The following KCNAB1 variants were observed in gnomAD, a reference collection of about 807,000 sequenced individuals.
The protein encoded by KCNAB1 is voltage-gated potassium channel subunit beta-1.
In KCNAB1, 35 loss-of-function variants were observed where a neutral mutation model predicts 64.6. The ratio of observed to expected loss-of-function variants is 0.54; its 90% CI spans 0.41 to 0.72. The LOEUF is 0.72. Among genes scored for constraint, KCNAB1 ranks in the 30% least tolerant of loss-of-function variants. The pLI is 0.00. For missense variants in KCNAB1, 401 were observed against 512.9 expected, an observed-to-expected ratio of 0.78 and a Z score of 2.11; for synonymous variants, 177 against 183.8, an observed-to-expected ratio of 0.96 and a Z score of 0.30.
At chr3:156,441,637 G>T (rs566271064) in intron 2 of KCNAB1, among the ~76,000 whole-genome samples, 230 of 152,182 alleles carry the variant, frequency 1.5e-3, no homozygotes, top group Admixed American at 4.0e-3. Context: ...CACATGGAAG[G>T]TGTCTAATTT....
At chr3:156,151,265 C>T (rs1175917336) in intron 1 of KCNAB1, among the ~76,000 whole-genome samples, 1 of 152,180 alleles carries the variant, frequency 6.6e-6, no homozygotes, top group Admixed American at 6.5e-5. Flanking sequence ...CACGTGTCAC[C>T]TCTCCACACT....
intron 13 of KCNAB1, among the ~76,000 whole-genome samples, chr3:156,531,950 C>G (rs1178954178): frequency 6.6e-6 from 1 of 152,184 alleles, no homozygotes; most frequent in East Asian, 1.9e-4. Flanking sequence ...TGTAGTATAA[C>G]TGCCTGTCTC....
chr3:156,448,914 G>C (rs1191641954), intron 2 of KCNAB1, among the ~76,000 whole-genome samples: 1 of 152,140 alleles, frequency 6.6e-6, no homozygotes, highest in Non-Finnish European at 1.5e-5. Context: ...TTCTAGGGCT[G>C]TGGAGATGCA....
At chr3:156,173,224 TTTC>T (rs1335305316) in intron 1 of KCNAB1, among the ~76,000 whole-genome samples, 2 of 152,188 alleles carry the variant, frequency 1.3e-5, no homozygotes, top group African/African-American at 4.8e-5. Context: ...ACTCAGCACT[TTTC>T]TTCTTAAGAA....
chr3:156,321,779 G>A (rs1722677787), intron 1 of KCNAB1, among the ~76,000 whole-genome samples: 1 of 152,062 alleles, frequency 6.6e-6, no homozygotes, highest in Non-Finnish European at 1.5e-5. Context: ...TTAAATTTTA[G>A]GTAGTTAAAA....
chr3:156,176,574 C>G, intron 1 of KCNAB1: 1 of 831,486 alleles, frequency 1.2e-6, no homozygotes, highest in Non-Finnish European at 2.2e-6. Context: ...AGTTCCATCA[C>G]TGCTCCACTG....
chr3:156,310,404 A>G (rs573486707), intron 1 of KCNAB1, among the ~76,000 whole-genome samples: 120 of 152,080 alleles, frequency 7.9e-4, no homozygotes, highest in Non-Finnish European at 1.7e-3. Context: ...CAGGATCCCA[A>G]TTGGTCCTGC....
chr3:156,136,987 A>G (rs1426072674), intron 1 of KCNAB1, among the ~76,000 whole-genome samples: 1 of 152,174 alleles, frequency 6.6e-6, no homozygotes, highest in African/African-American at 2.4e-5. Flanking sequence ...AGAGATCTAT[A>G]GATGTAGTCA....
intron 2 of KCNAB1, among the ~76,000 whole-genome samples, chr3:156,448,273 GAAATA>G (rs1157697322): frequency 6.6e-6 from 1 of 152,212 alleles, no homozygotes; most frequent in Non-Finnish European, 1.5e-5. Context: ...ATTACACAGT[GAAATA>G]ATTGTATGCC....
intron 2 of KCNAB1, among the ~76,000 whole-genome samples, chr3:156,450,701 T>C (rs1459811761): frequency 6.6e-6 from 1 of 152,240 alleles, no homozygotes; most frequent in African/African-American, 2.4e-5. Flanking sequence ...ACTTATTTTA[T>C]TCTCATTCAA....
In KCNAB1 at chr3:156,268,725, C is replaced by T. The variant is rs114586844; in HGVS notation, c.275+147839C>T. On this transcript the variant is annotated intron_variant, in intron 1 of 13. Coordinates refer to ENST00000490337, the MANE Select transcript of KCNAB1 (RefSeq NM_172160.3). ...CAAAATCAGATTATTATAATTTTTCCTCTAAAGTTGGTTGAGCTTCTTATA... is the reference window on the plus strand; with the variant it reads ...CAAAATCAGATTATTATAATTTTTCTTCTAAAGTTGGTTGAGCTTCTTATA... Among the ~76,000 whole-genome samples the T allele has an allele frequency of 6.7e-3, 1,021 of 152,200 alleles. 12 individuals are homozygous for T. The highest frequency in any genetic ancestry group is 0.024 in the African/African-American group (977 of 41,524).
chr3:156,130,937 T>G (rs914706779), intron 1 of KCNAB1, among the ~76,000 whole-genome samples: 1 of 152,248 alleles, frequency 6.6e-6, no homozygotes, highest in Non-Finnish European at 1.5e-5. Flanking sequence ...CCACAGAAAC[T>G]GTTTCCATCG....
At chr3:156,478,687 C>T (rs1170360218) in intron 8 of KCNAB1, among the ~76,000 whole-genome samples, 1 of 152,086 alleles carries the variant, frequency 6.6e-6, no homozygotes, top group Non-Finnish European at 1.5e-5. Flanking sequence ...TGGTTTCTAC[C>T]ATGAAATGAT....
rs16826095 is a variant in KCNAB1 at position 156,399,553 on chromosome 3, G to A, written c.276-22063G>A. ...GCTGGCATTGACAGGACATGGCAAA[G>A]TTATTCAGAGGAAGGTCTGTGTGTC... On this transcript the variant is annotated intron_variant, in intron 1 of 13. Coordinates refer to ENST00000490337, the MANE Select transcript of KCNAB1 (RefSeq NM_172160.3). Among the ~76,000 whole-genome samples, 1,295 of 152,220 alleles carry A rather than the reference G, an allele frequency of 8.5e-3. 20 individuals are homozygous for A. Among genetic ancestry groups the A allele is most frequent in the African/African-American group, 0.03 (1,239 of 41,530 alleles).
At chr3:156,258,861 G>A (rs1718261488) in intron 1 of KCNAB1, among the ~76,000 whole-genome samples, 1 of 152,152 alleles carries the variant, frequency 6.6e-6, no homozygotes, top group Non-Finnish European at 1.5e-5. Context: ...CCTTGCTGTT[G>A]AGTGAGCCAG....
At chr3:156,300,272 G>A (rs745930921) in intron 1 of KCNAB1, among the ~76,000 whole-genome samples, 4 of 152,118 alleles carry the variant, frequency 2.6e-5, no homozygotes, top group Admixed American at 6.5e-5. Flanking sequence ...AAGCTGCATC[G>A]GAAACTTCTT....
intron 1 of KCNAB1, among the ~76,000 whole-genome samples, chr3:156,197,236 T>C (rs541421363): frequency 2.0e-5 from 3 of 152,342 alleles, no homozygotes; most frequent in African/African-American, 7.2e-5. Context: ...GCATTGATGT[T>C]CATCAGGGAT....
chr3:156,288,849 C>T (rs1402107236), intron 1 of KCNAB1, among the ~76,000 whole-genome samples: 1 of 152,226 alleles, frequency 6.6e-6, no homozygotes, highest in Non-Finnish European at 1.5e-5. Context: ...TAAACTAGAA[C>T]GTGCAGGATT....
chr3:156,243,470 C>T (rs951527567), intron 1 of KCNAB1, among the ~76,000 whole-genome samples: 8 of 152,176 alleles, frequency 5.3e-5, no homozygotes, highest in Admixed American at 6.5e-5. Context: ...TCAGGTGATC[C>T]GCTTGCCTTG....
Sources: allele counts gnomAD v4.1 joint callset (sites outside exome capture counted in the v4.1 genomes callset), GRCh38; gene constraint gnomAD v4.1.1; transcripts MANE v1.5; gene names NCBI Gene and HGNC (gene_info 2026-07-23, HGNC 2026-07-21).